Variants in KIAA1671 observed in about 807,000 individuals in gnomAD.
KIAA1671 encodes the protein uncharacterized protein KIAA1671.
A neutral mutation model predicts 131.2 loss-of-function variants in KIAA1671; 52 were observed. That is an observed-to-expected ratio of 0.40 (90% CI 0.32 to 0.50). The LOEUF is 0.50. Ranked by LOEUF, KIAA1671 falls within the 20% of genes least tolerant of loss-of-function variation. The pLI, the probability that KIAA1671 is intolerant of heterozygous loss-of-function variation, is 0.73. For missense variants in KIAA1671, 2,360 were observed against 2,364.2 expected (o/e 1.00, Z 0.04); for synonymous variants, 1,003 against 961.6 (o/e 1.04, Z -0.80).
intron 6 of KIAA1671, among the ~76,000 whole-genome samples, chr22:25,129,054 G>T (rs900963303): frequency 4.2e-4 from 64 of 152,116 alleles, no homozygotes; most frequent in African/African-American, 1.5e-3. Context: ...CAGAGGCTGG[G>T]GTTCTCCCTG....
At chr22:25,184,115 G>A (rs1934387710) in intron 10 of KIAA1671, among the ~76,000 whole-genome samples, 1 of 152,208 alleles carries the variant, frequency 6.6e-6, no homozygotes, top group South Asian at 2.1e-4. Flanking sequence ...GCAGTGCTAG[G>A]CGATTATTAA....
intron 11 of KIAA1671, 85 bp downstream of exon 11, chr22:25,185,204 T>C (rs1934434553): frequency 7.4e-7 from 1 of 1,346,658 alleles, no homozygotes; most frequent in African/African-American, 1.5e-5. Flanking sequence ...GTTTTAGAGC[T>C]GAATAGAAGA....
rs1190168955 is a variant in KIAA1671, at chr22:25,029,716, T to G, written c.1541+176T>G. On this transcript the variant is annotated intron_variant, in intron 3 of 12. Transcript: ENST00000358431. ...AGAAAGGTGAGGTGCGGAGAGGCAG[T>G]GCAGCTCTCCTCTGGGTATGGCCAG... Among the ~76,000 whole-genome samples the G allele has an allele frequency of 2.0e-5, 3 of 152,246 alleles. No individual in the cohort carries two copies. In the South Asian group the frequency reaches 6.2e-4, roughly 32 times the overall value.
chr22:25,092,398 C>T (rs6004433), intron 6 of KIAA1671, among the ~76,000 whole-genome samples: 11,264 of 152,148 alleles, frequency 0.074, 1,360 homozygotes, highest in African/African-American at 0.26. Flanking sequence ...ATATTGCCAG[C>T]CTTCCATTGA....
intron 1 of KIAA1671, among the ~76,000 whole-genome samples, chr22:24,978,067 A>G (rs966575450): frequency 2.6e-5 from 4 of 152,062 alleles, no homozygotes; most frequent in Non-Finnish European, 5.9e-5. Context: ...GTCACTTTAT[A>G]CTGGTTAACT....
chr22:25,180,453 G>A (rs1934227179), intron 9 of KIAA1671, among the ~76,000 whole-genome samples: 3 of 152,050 alleles, frequency 2.0e-5, no homozygotes, highest in Non-Finnish European at 4.4e-5. Flanking sequence ...CAGGAGAATC[G>A]ATTGAACCCA....
At chr22:24,980,619 A>T (rs941532015) in intron 1 of KIAA1671, among the ~76,000 whole-genome samples, 18 of 151,982 alleles carry the variant, frequency 1.2e-4, no homozygotes, top group African/African-American at 4.3e-4. Context: ...ATGACATGCT[A>T]ATCCTGTTTT....
intron 12 of KIAA1671, among the ~76,000 whole-genome samples, chr22:25,191,690 G>A (rs1415178984): frequency 4.6e-5 from 7 of 152,202 alleles, no homozygotes; most frequent in African/African-American, 1.7e-4. Flanking sequence ...TTGACTGAGT[G>A]CTGCCTGTTT....
intron 6 of KIAA1671, among the ~76,000 whole-genome samples, chr22:25,151,341 T>G (rs959267958): frequency 2.7e-5 from 4 of 148,204 alleles, no homozygotes; most frequent in Non-Finnish European, 5.9e-5. Context: ...TAAATAAATA[T>G]ATATGTATAC....
chr22:25,045,034 G>T (rs62233178), intron 5 of KIAA1671, among the ~76,000 whole-genome samples: 36,850 of 151,860 alleles, frequency 0.24, 6,586 homozygotes, highest in African/African-American at 0.51. Flanking sequence ...AGTGGCGGGC[G>T]CCTGTAGTCC....
In KIAA1671 at chr22:25,041,275, G is replaced by T; in HGVS notation, c.4145G>T (p.Arg1382Leu). Reference sequence around the variant, plus strand: ...GGGACCCCAAGGAAATCCACCGGGCGGGGAGAGGAGGACAGTGTGGCCCAG... The same window carrying T: ...GGGACCCCAAGGAAATCCACCGGGCTGGGAGAGGAGGACAGTGTGGCCCAG... ...KKGTPRKSTG[R>L]GEEDSVAQWG... is the part of the protein sequence containing the mutation. The change falls in exon 5 of 13, where the codon CGG (arginine) becomes CTG (leucine). Residue 1382 changes from arginine to leucine, a missense_variant. Coordinates refer to ENST00000358431, the MANE Select transcript of KIAA1671 (RefSeq NM_001145206.2). 6.4e-7 allele frequency: 1 copy of T among 1,551,736 alleles called. No individual in the cohort carries two copies. Among genetic ancestry groups the T allele is most frequent in the East Asian group, 2.4e-5 (1 of 40,918 alleles).
At chr22:25,189,126 C>CTTTTTT (rs200226589) in intron 11 of KIAA1671, among the ~76,000 whole-genome samples, 381 of 114,364 alleles carry the variant, frequency 3.3e-3, no homozygotes, top group African/African-American at 5.0e-3. Flanking sequence ...CAGTCTTTTT[C>CTTTTTT]TTTTTTTTTT....
chr22:25,107,015 GC>G (rs1308261542), intron 6 of KIAA1671, among the ~76,000 whole-genome samples: 1 of 152,022 alleles, frequency 6.6e-6, no homozygotes, highest in Non-Finnish European at 1.5e-5. Flanking sequence ...TGGACACAGT[GC>G]CCCCCCACCC....
At chr22:25,126,361 C>T (rs1020481159) in intron 6 of KIAA1671, among the ~76,000 whole-genome samples, 1 of 152,168 alleles carries the variant, frequency 6.6e-6, no homozygotes. Flanking sequence ...TTGCCTTCTG[C>T]TTTGGGAAGG....
chr22:25,094,166 A>G (rs1236632301), intron 6 of KIAA1671, among the ~76,000 whole-genome samples: 1 of 152,064 alleles, frequency 6.6e-6, no homozygotes, highest in Non-Finnish European at 1.5e-5. Flanking sequence ...CAAACAGGGC[A>G]TTTTCTGTTG....
Position 25,039,345 on chromosome 22 carries a change from G to C in KIAA1671, c.2215G>C (p.Val739Leu). 2 of 1,551,960 alleles carry C rather than the reference G, an allele frequency of 1.3e-6. No homozygotes were observed. Among genetic ancestry groups the C allele is most frequent in the Non-Finnish European group, 1.7e-6 (2 of 1,147,060 alleles). Reference protein sequence around the residue: ...IEPRYDIVHAVGERVHSEAIS... With the variant: ...IEPRYDIVHALGERVHSEAIS... ...GCCCAGATATGACATTGTGCATGCA[G>C]TGGGAGAGCGTGTGCACAGCGAGGC... Residue 739 changes from valine (V) to leucine (L), a missense_variant, in exon 5 of 13, where the codon GTG becomes CTG. Val to Leu is a conservative substitution (Grantham distance 32). Around this residue, in one of 3 missense-constraint regions of KIAA1671, gnomAD observed 1,185 missense variants for 1,126.2 expected, o/e 1.05. Transcript: ENST00000358431.
intron 6 of KIAA1671, among the ~76,000 whole-genome samples, chr22:25,168,067 C>T (rs1359018585): frequency 2.0e-5 from 3 of 152,186 alleles, no homozygotes; most frequent in Admixed American, 1.3e-4. Flanking sequence ...ACATGGACCA[C>T]AAGTGCTGTC....
At chr22:25,166,976 C>A (rs1243721810) in intron 6 of KIAA1671, among the ~76,000 whole-genome samples, 1 of 152,190 alleles carries the variant, frequency 6.6e-6, no homozygotes, top group African/African-American at 2.4e-5. Flanking sequence ...ACCCCTAAGT[C>A]CCCAGCATCT....
intron 1 of KIAA1671, among the ~76,000 whole-genome samples, chr22:24,980,262 T>C (rs888633556): frequency 6.6e-6 from 1 of 150,564 alleles, no homozygotes; most frequent in African/African-American, 2.5e-5. Flanking sequence ...CTACGTTCAG[T>C]TTCTTTGATT....
Sources: gnomAD v4.1 joint callset for allele counts (sites outside exome capture counted in the v4.1 genomes callset) on GRCh38, gnomAD v4.1.1 for gene constraint, gnomAD v4.1.1 regional missense constraint, MANE v1.5 for transcripts, NCBI Gene and HGNC (gene_info 2026-07-23, HGNC 2026-07-21) for gene names.